The following GDPD4 variants were observed in gnomAD, a reference collection of about 807,000 sequenced individuals.
GDPD4 encodes the protein glycerophosphodiester phosphodiesterase 6.
GDPD4 carries 60 observed loss-of-function variants against 67.8 expected under a neutral mutation model. The ratio of observed to expected loss-of-function variants is 0.88; its 90% confidence interval spans 0.72 to 1.10. GDPD4 has a LOEUF of 1.10. Ranked by LOEUF, GDPD4 falls within the 50% of genes least tolerant of loss-of-function variation. The pLI, the probability that GDPD4 is intolerant of heterozygous loss-of-function variation, is 0.00. For missense variants in GDPD4, 623 were observed against 613.9 expected (o/e 1.01, Z -0.16); for synonymous variants, 212 against 210.9 (o/e 1.00, Z -0.04).
rs1958862828 is a variant in GDPD4, at chr11:77,250,187, T to TGA, written c.865-4686_865-4685insTC. On this transcript the variant is annotated intron_variant, in intron 11 of 16. Coordinates refer to ENST00000315938, the MANE Select transcript of GDPD4 (RefSeq NM_182833.3). ...GCTGAGATTTGAAGTATGAATGAAC[T>TGA]CATCACTCAGGTACTAAGCTCAGTA... is the stretch of plus-strand genomic sequence containing the variant. 2.6e-5 allele frequency among the ~76,000 whole-genome samples: 4 copies of TGA among 152,316 alleles called. No individual in the cohort carries two copies. In the South Asian group the frequency reaches 8.3e-4, roughly 32 times the overall value.
chr11:77,250,966 G>C (rs1958882649), intron 11 of GDPD4, among the ~76,000 whole-genome samples: 1 of 151,988 alleles, frequency 6.6e-6, no homozygotes, highest in South Asian at 2.1e-4. Context: ...TGTAAATATA[G>C]CTATTCCTGC....
intron 16 of GDPD4, among the ~76,000 whole-genome samples, chr11:77,220,593 T>A (rs1958207316): frequency 6.6e-6 from 1 of 152,240 alleles, no homozygotes; most frequent in African/African-American, 2.4e-5. Context: ...GATGTGCTGC[T>A]GGATTCGGTT....
chr11:77,228,991 T>G (rs983704654), intron 15 of GDPD4, among the ~76,000 whole-genome samples, 159 bp downstream of exon 15: 4 of 152,052 alleles, frequency 2.6e-5, no homozygotes, highest in African/African-American at 9.7e-5. Flanking sequence ...GTCAAAGGGG[T>G]GTGAGGAACT....
chr11:77,296,266 A>G (rs1211280174), intron 1 of GDPD4, among the ~76,000 whole-genome samples: 3 of 149,876 alleles, frequency 2.0e-5, no homozygotes, highest in East Asian at 3.9e-4. Context: ...AAAAAAAAAA[A>G]AAAGAAAAGA....
Position 77,245,583 on chromosome 11 carries a change from A to C in GDPD4, c.865-81T>G, listed in dbSNP as rs998006146. The C allele has an allele frequency of 1.1e-5, 10 of 885,532 alleles. No homozygotes were observed. In the African/African-American group the frequency reaches 1.5e-4, roughly 13 times the overall value. 54.9% of individuals were successfully genotyped at this position (885,532 alleles called of 1,614,324 possible). A position where few individuals can be genotyped will look rare whatever the true frequency, so the allele number is the denominator to read the frequency against. On this transcript the variant is annotated intron_variant, in intron 11 of 16. Coordinates refer to ENST00000315938, the MANE Select transcript of GDPD4 (RefSeq NM_182833.3). ...GTAGCCACACATCCAGCTCTACCTC[A>C]GTTGCTCCATTATCATTCAATCCAT...
At chr11:77,221,940 G>C (rs1248530977) in intron 16 of GDPD4, among the ~76,000 whole-genome samples, 1 of 152,102 alleles carries the variant, frequency 6.6e-6, no homozygotes, top group Non-Finnish European at 1.5e-5. Context: ...TATATATTTA[G>C]GATAGTTAGC....
intron 1 of GDPD4, among the ~76,000 whole-genome samples, chr11:77,289,191 G>A (rs1316150983): frequency 2.0e-5 from 3 of 151,896 alleles, no homozygotes; most frequent in African/African-American, 7.3e-5. Context: ...ATGAAAACTC[G>A]TCTCTAATAA....
At chr11:77,222,852 T>A (rs1958254275) in intron 16 of GDPD4, among the ~76,000 whole-genome samples, 1 of 152,238 alleles carries the variant, frequency 6.6e-6, no homozygotes, top group Non-Finnish European at 1.5e-5. Context: ...ATTCTCCCCG[T>A]CACTTTCAGG....
chr11:77,268,604 G>A, intron 9 of GDPD4, 65 bp from the exon 10 acceptor site: 1 of 1,281,210 alleles, frequency 7.8e-7, no homozygotes, highest in South Asian at 1.2e-5. Flanking sequence ...TCCTTTTGTG[G>A]TAGGGGTAGA....
intron 5 of GDPD4, among the ~76,000 whole-genome samples, chr11:77,275,367 A>G (rs992684951): frequency 6.6e-5 from 10 of 152,206 alleles, no homozygotes; most frequent in African/African-American, 2.4e-4. Context: ...GACCAGATAT[A>G]GACCCTGTGA....
At chr11:77,273,359 T>C (rs574234924) in intron 5 of GDPD4, among the ~76,000 whole-genome samples, 1 of 152,190 alleles carries the variant, frequency 6.6e-6, no homozygotes, top group African/African-American at 2.4e-5. Context: ...CCTTCCTGGT[T>C]TGAAGACCTG....
At chr11:77,242,946 G>A (rs1958701118) in intron 13 of GDPD4, among the ~76,000 whole-genome samples, 1 of 110,036 alleles carries the variant, frequency 9.1e-6, no homozygotes, top group Admixed American at 9.3e-5. Context: ...ATTATAGATA[G>A]GTAGATAATA....
chr11:77,242,538 C>G (rs1958688662), intron 13 of GDPD4, among the ~76,000 whole-genome samples: 1 of 151,930 alleles, frequency 6.6e-6, no homozygotes. Flanking sequence ...TCCAAAGAGA[C>G]CAAAGTAGCT....
intron 14 of GDPD4, 89 bp from the exon 15 acceptor site, chr11:77,229,321 CTGGAGG>C: frequency 1.4e-6 from 1 of 737,500 alleles, no homozygotes; most frequent in Non-Finnish European, 2.3e-6. Flanking sequence ...GCTGCCAGGG[CTGGAGG>C]AGGAGAGGAA....
At chr11:77,268,290 GGTTT>G (rs1959187970) in intron 10 of GDPD4, among the ~76,000 whole-genome samples, 163 bp downstream of exon 10, 2 of 152,038 alleles carry the variant, frequency 1.3e-5, no homozygotes, top group African/African-American at 2.4e-5. Context: ...GCAGAGGTGC[GGTTT>G]GTGAGATGTG....
rs1958132096 is a variant in GDPD4 at position 77,216,961 on chromosome 11, G to GGGC, written c.*313_*315dup. On this transcript the variant is annotated 3_prime_UTR_variant, in exon 17 of 17. Coordinates refer to ENST00000315938, the MANE Select transcript of GDPD4 (RefSeq NM_182833.3). Reference sequence around the variant, plus strand: ...TTTAAGGATAGGGGACCTCTATGGAGGGCATGGTTGGCTTATCCACCTTCA... The same window carrying GGGC: ...TTTAAGGATAGGGGACCTCTATGGAGGGCGGCATGGTTGGCTTATCCACCTTCA... 1.4e-6 allele frequency: 1 copy of GGGC among 702,788 alleles called. No individual in the cohort carries two copies. Among genetic ancestry groups the GGGC allele is most frequent in the African/African-American group, 1.7e-5 (1 of 57,236 alleles). 43.5% of individuals were successfully genotyped at this position (702,788 alleles called of 1,614,324 possible). A position where few individuals can be genotyped will look rare whatever the true frequency, so the allele number is the denominator to read the frequency against.
chr11:77,267,520 T>C (rs1959183728), intron 10 of GDPD4, among the ~76,000 whole-genome samples: 1 of 152,220 alleles, frequency 6.6e-6, no homozygotes, highest in South Asian at 2.1e-4. Context: ...GTAGTATTAG[T>C]TTTAATTTGC....
chr11:77,239,666 A>C (rs1243651523), intron 13 of GDPD4, among the ~76,000 whole-genome samples: 2 of 152,110 alleles, frequency 1.3e-5, no homozygotes, highest in African/African-American at 4.8e-5. Flanking sequence ...ACTATGAAAC[A>C]CTGATGAAAG....
intron 1 of GDPD4, among the ~76,000 whole-genome samples, chr11:77,292,131 C>A (rs901962404): frequency 6.7e-6 from 1 of 149,540 alleles, no homozygotes; most frequent in African/African-American, 2.5e-5. Context: ...CAAAAAAAAA[C>A]CCTCAAGTAA....
Sources: gnomAD v4.1 joint callset for allele counts (sites outside exome capture counted in the v4.1 genomes callset) on GRCh38, gnomAD v4.1.1 for gene constraint, MANE v1.5 for transcripts, NCBI Gene and HGNC (gene_info 2026-07-23, HGNC 2026-07-21) for gene names.